TSPAN9: variants seen among roughly 807,000 people sequenced by gnomAD.
The protein encoded by TSPAN9 is tetraspanin-9.
A neutral mutation model predicts 31.0 loss-of-function variants in TSPAN9; 16 were observed. That is an observed-to-expected ratio of 0.52 (90% CI 0.35 to 0.78). The LOEUF is 0.78. TSPAN9 is among the 30% of genes least tolerant of loss of function. TSPAN9 has a pLI of 0.01. For missense variants in TSPAN9, 272 were observed against 312.5 expected (o/e 0.87, Z 0.98); for synonymous variants, 145 against 121.6 (o/e 1.19, Z -1.27).
chr12:3,103,031 C>T (rs1035979647), intron 2 of TSPAN9, among the ~76,000 whole-genome samples: 1 of 152,194 alleles, frequency 6.6e-6, no homozygotes, highest in African/African-American at 2.4e-5. Context: ...TGTTCTGCCT[C>T]CTAGTTTCCA....
At chr12:3,161,760 A>G (rs2098345339) in intron 2 of TSPAN9, among the ~76,000 whole-genome samples, 1 of 151,468 alleles carries the variant, frequency 6.6e-6, no homozygotes, top group Non-Finnish European at 1.5e-5. Flanking sequence ...TCCTCTCCAA[A>G]TCTTGGGTTG....
chr12:3,145,690 C>T (rs1035259188), intron 2 of TSPAN9, among the ~76,000 whole-genome samples: 2 of 152,212 alleles, frequency 1.3e-5, no homozygotes, highest in African/African-American at 4.8e-5. Context: ...CCTGCTCATT[C>T]CTCATTTTTC....
chr12:3,158,461 C>T lies in TSPAN9; in HGVS notation c.-17-42716C>T, dbSNP rs188619487. Among the ~76,000 whole-genome samples the T allele has an allele frequency of 2.9e-3, 444 of 152,280 alleles. 1 individual carries two copies. The highest frequency in any genetic ancestry group is 4.6e-3 in the Non-Finnish European group (312 of 68,024). On this transcript the variant is annotated intron_variant, in intron 2 of 8. Coordinates refer to ENST00000011898, the MANE Select transcript of TSPAN9 (RefSeq NM_006675.5). ...ATAAAGCATAGGCTTCCGTGGCTCA[C>T]GCCTATAATCCCAGCACTTTGGGAA...
chr12:3,145,760 G>A lies in TSPAN9; in HGVS notation c.-17-55417G>A, dbSNP rs1315220464. Reference sequence around the variant, plus strand: ...CCGCCAAGGTGATGCATGAACACATGGGGTTCAGAGCAGAGAGGGCTCAGA... The same window carrying A: ...CCGCCAAGGTGATGCATGAACACATAGGGTTCAGAGCAGAGAGGGCTCAGA... On this transcript the variant is annotated intron_variant, in intron 2 of 8. Coordinates refer to ENST00000011898, the MANE Select transcript of TSPAN9 (RefSeq NM_006675.5). 2.0e-5 allele frequency among the ~76,000 whole-genome samples: 3 copies of A among 152,270 alleles called. No homozygotes were observed. In the East Asian group the frequency reaches 5.8e-4, roughly 29 times the overall value.
rs1478288637 is a variant in TSPAN9 at position 3,284,570 on chromosome 12, C to G, written c.*1454C>G. The G allele has an allele frequency of 1.3e-5, 2 of 153,042 alleles. No individual in the cohort carries two copies. The highest frequency in any genetic ancestry group is 2.9e-5 in the Non-Finnish European group (2 of 68,118). 9.5% of individuals were successfully genotyped at this position (153,042 alleles called of 1,614,324 possible). ...CGGGAAGAAAGCAGCCGGAGTCACG[C>G]ACGTGCAGAGCTGGGCATGGGAGAG... On this transcript the variant is annotated 3_prime_UTR_variant, in exon 9 of 9. Transcript: ENST00000011898.
intron 3 of TSPAN9, among the ~76,000 whole-genome samples, chr12:3,213,798 C>T (rs1253578431): frequency 4.6e-5 from 7 of 152,234 alleles, no homozygotes; most frequent in African/African-American, 1.7e-4. Context: ...GATTAGCTTT[C>T]TGTCTTCCCA....
intron 2 of TSPAN9, among the ~76,000 whole-genome samples, chr12:3,154,232 A>G (rs2153968848): frequency 6.6e-6 from 1 of 152,272 alleles, no homozygotes; most frequent in East Asian, 1.9e-4. Flanking sequence ...ATCTTGGCCC[A>G]AGTCTGTTTT....
intron 3 of TSPAN9, 61 bp from the exon 4 acceptor site, chr12:3,278,360 C>G (rs765681643): frequency 5.0e-6 from 8 of 1,591,926 alleles, no homozygotes; most frequent in Non-Finnish European, 6.8e-6. Context: ...CTGCACTGTT[C>G]CCAGGTCCAT....
intron 2 of TSPAN9, among the ~76,000 whole-genome samples, chr12:3,178,295 T>C (rs553878959): frequency 6.6e-6 from 1 of 151,594 alleles, no homozygotes; most frequent in East Asian, 1.9e-4. Context: ...CTTTTTCTTT[T>C]TTTTTTTTTG....
intron 2 of TSPAN9, among the ~76,000 whole-genome samples, chr12:3,108,997 G>T (rs1043666547): frequency 1.3e-5 from 2 of 151,346 alleles, no homozygotes; most frequent in African/African-American, 4.9e-5. Context: ...GTGCAGTGGC[G>T]CGATCTCCGC....
At chr12:3,277,270 C>T (rs118058481) in intron 3 of TSPAN9, among the ~76,000 whole-genome samples, 176 of 152,346 alleles carry the variant, frequency 1.2e-3, no homozygotes, top group East Asian at 4.6e-3. Context: ...CACTTTCACC[C>T]GGCATAGAAT....
At chr12:3,220,460 G>A (rs1565619475) in intron 3 of TSPAN9, among the ~76,000 whole-genome samples, 1 of 152,226 alleles carries the variant, frequency 6.6e-6, no homozygotes, top group African/African-American at 2.4e-5. Context: ...CTCTCCAGCG[G>A]TGCCTGCATA....
intron 2 of TSPAN9, among the ~76,000 whole-genome samples, chr12:3,085,042 C>T (rs1027978638): frequency 2.6e-5 from 4 of 152,160 alleles, no homozygotes; most frequent in Non-Finnish European, 4.4e-5. Context: ...GGTGCAGTGC[C>T]GCTAGGCACA....
At chr12:3,232,787 G>GC (rs2098391457) in intron 3 of TSPAN9, among the ~76,000 whole-genome samples, 1 of 152,204 alleles carries the variant, frequency 6.6e-6, no homozygotes, top group South Asian at 2.1e-4. Context: ...AGGAAGCGCA[G>GC]CTCCAGCCAC....
intron 2 of TSPAN9, among the ~76,000 whole-genome samples, chr12:3,106,758 G>A (rs749853350): frequency 4.0e-5 from 6 of 151,794 alleles, no homozygotes; most frequent in Non-Finnish European, 8.8e-5. Flanking sequence ...GCAACAGAGT[G>A]AGACCCTGTC....
At chr12:3,225,164 G>A (rs1321278791) in intron 3 of TSPAN9, among the ~76,000 whole-genome samples, 2 of 152,170 alleles carry the variant, frequency 1.3e-5, no homozygotes, top group Non-Finnish European at 2.9e-5. Flanking sequence ...AAGCCGTAAG[G>A]GCACCCAGGA....
intron 2 of TSPAN9, among the ~76,000 whole-genome samples, chr12:3,179,350 A>G (rs1370280364): frequency 1.3e-5 from 2 of 152,050 alleles, no homozygotes; most frequent in African/African-American, 4.8e-5. Context: ...TGCTTCAGTC[A>G]CCTGTTCCCG....
intron 2 of TSPAN9, among the ~76,000 whole-genome samples, chr12:3,186,963 AATTAGAAC>A (rs2098361766): frequency 6.6e-6 from 1 of 152,184 alleles, no homozygotes; most frequent in Non-Finnish European, 1.5e-5. Flanking sequence ...ATTAGAAAGT[AATTAGAAC>A]ATTTGCCTGC....
chr12:3,148,597 C>G (rs954017036), intron 2 of TSPAN9, among the ~76,000 whole-genome samples: 1 of 152,212 alleles, frequency 6.6e-6, no homozygotes, highest in Non-Finnish European at 1.5e-5. Context: ...GTGCACATGA[C>G]CACACTGCCA....
Sources: gnomAD v4.1 joint callset for allele counts (sites outside exome capture counted in the v4.1 genomes callset) on GRCh38, gnomAD v4.1.1 for gene constraint, MANE v1.5 for transcripts, NCBI Gene and HGNC (gene_info 2026-07-23, HGNC 2026-07-21) for gene names.